The following LRRC56 variants were observed in gnomAD, a reference collection of about 807,000 sequenced individuals.
LRRC56 encodes leucine-rich repeat-containing protein 56.
LRRC56 carries 41 observed loss-of-function variants against 47.8 expected under a neutral mutation model. The ratio of observed to expected loss-of-function variants is 0.86; its 90% CI spans 0.67 to 1.11. The LOEUF (loss-of-function observed/expected upper bound fraction) is 1.11, where lower values mean the gene tolerates loss of function less well. Among genes scored for constraint, LRRC56 ranks in the 50% most tolerant of loss-of-function variants. The pLI is 0.00. For missense variants in LRRC56, 759 were observed against 704.2 expected, an observed-to-expected ratio of 1.08 and a Z score of -0.88; for synonymous variants, 387 against 311.2, an observed-to-expected ratio of 1.24 and a Z score of -2.56.
chr11:531,886 G>A, the LRRC56 span, among the ~76,000 whole-genome samples: 1 of 152,208 alleles, frequency 6.6e-6, no homozygotes, highest in Non-Finnish European at 1.5e-5. Flanking sequence ...GTCAGGAAAG[G>A]TGATGCCTCT....
In LRRC56 at chr11:554,362, T is replaced by G; in HGVS notation, c.*86T>G. 1 of 1,236,014 alleles carries G rather than the reference T, an allele frequency of 8.1e-7. No individual in the cohort carries two copies. Among genetic ancestry groups the G allele is most frequent in the Non-Finnish European group, 1.1e-6 (1 of 944,150 alleles). 76.6% of individuals were successfully genotyped at this position (1,236,014 alleles called of 1,614,324 possible). A position where few individuals can be genotyped will look rare whatever the true frequency, so the allele number is the denominator to read the frequency against. ...ACAGAGCACAGAATACCTGGGCGGGTGTGTTGGGGGGTGGAAGGAGTGCCT... is the reference window on the plus strand; with the variant it reads ...ACAGAGCACAGAATACCTGGGCGGGGGTGTTGGGGGGTGGAAGGAGTGCCT... On this transcript the variant is annotated 3_prime_UTR_variant, in exon 14 of 14. Coordinates refer to ENST00000270115, the MANE Select transcript of LRRC56 (RefSeq NM_198075.4).
chr11:544,870 A>C, intron 6 of LRRC56, 90 bp downstream of exon 6: 23 of 679,888 alleles, frequency 3.4e-5, no homozygotes, highest in Admixed American at 6.3e-5. Flanking sequence ...ACTTGGTGGG[A>C]GTGGGGGGAC....
At chr11:534,067 G>A (rs989286439), upstream of LRRC56, 8 of 1,226,190 alleles carry the variant, frequency 6.5e-6, no homozygotes, top group African/African-American at 1.5e-5. Flanking sequence ...GTGCTGAGAC[G>A]AGGGACTCCC....
chr11:552,571 C>T lies in LRRC56; in HGVS notation c.1184C>T (p.Pro395Leu). The T allele has an allele frequency of 1.2e-6, 2 of 1,601,242 alleles. No homozygotes were observed. The highest frequency in any genetic ancestry group is 1.7e-6 in the Non-Finnish European group (2 of 1,174,318). The change falls in exon 13 of 14, where the codon CCC becomes CTC. Residue 395 changes from proline to leucine, a missense_variant and splice_region_variant. Coordinates refer to ENST00000270115, the MANE Select transcript of LRRC56 (RefSeq NM_198075.4). ...TTCTCCTCCTCTCCCCACCCTAGCC[C>T]CCTCCCCTATAGGCACCCGGAGTCC... ...LRAWREHGVRPLPYRHPESQQ... is the reference protein window; with the variant it reads ...LRAWREHGVRLLPYRHPESQQ...
chr11:510,177 C>T, the LRRC56 span, among the ~76,000 whole-genome samples: 1 of 152,192 alleles, frequency 6.6e-6, no homozygotes, highest in Non-Finnish European at 1.5e-5. Flanking sequence ...CAGGCTGAGG[C>T]AAGAGACCCC....
the LRRC56 span, among the ~76,000 whole-genome samples, chr11:517,110 G>A: frequency 5.3e-5 from 8 of 152,326 alleles, no homozygotes; most frequent in South Asian, 1.2e-3. Flanking sequence ...TCGGCCTCCC[G>A]GGGTGCTGGG....
At chr11:544,574 A>T (rs1415214512) in intron 5 of LRRC56, 146 bp from the exon 6 acceptor site, 1 of 799,766 alleles carries the variant, frequency 1.3e-6, no homozygotes, top group African/African-American at 1.7e-5. Flanking sequence ...GTGCCACGTA[A>T]CCCCTCCTGT....
intron 3 of LRRC56, 131 bp from the exon 4 acceptor site, chr11:540,543 C>CGGGGTG (rs1851738639): frequency 3.5e-6 from 2 of 569,366 alleles, no homozygotes; most frequent in Non-Finnish European, 5.3e-6. Context: ...TCTCTAGGCT[C>CGGGGTG]GGGGTGGGGG....
upstream of LRRC56, chr11:535,403 T>G (rs1851429455): frequency 6.9e-6 from 1 of 145,968 alleles, no homozygotes; most frequent in Admixed American, 6.8e-5. Context: ...GGCCGATCCC[T>G]GCCCGCACTC....
chr11:551,299 C>T lies in LRRC56; in HGVS notation c.793C>T (p.Leu265=). The change falls in exon 9 of 14, where the codon CTG becomes TTG. Residue 265 remains leucine, a synonymous_variant. Transcript: ENST00000270115. ...CAAGAAGGGCAACGGCCTTCCCCCG[C>T]TGGGTACGGCAGCTGCGCCCGGAGG... ...AIKKGNGLPP[L]DCPRGAPIRR... is the part of the protein sequence containing the mutation. 6.6e-7 allele frequency: 1 copy of T among 1,515,768 alleles called. No individual in the cohort carries two copies. Among genetic ancestry groups the T allele is most frequent in the Non-Finnish European group, 8.9e-7 (1 of 1,122,128 alleles). 93.9% of individuals were successfully genotyped at this position (1,515,768 alleles called of 1,614,324 possible).
upstream of LRRC56, among the ~76,000 whole-genome samples, chr11:536,243 G>A (rs1033267861): frequency 1.3e-5 from 2 of 152,196 alleles, no homozygotes; most frequent in Non-Finnish European, 2.9e-5. Context: ...CCTCTTTCTC[G>A]GGCCTGCGTG....
At chr11:536,299 C>T (rs1851491511), upstream of LRRC56, among the ~76,000 whole-genome samples, 1 of 152,228 alleles carries the variant, frequency 6.6e-6, no homozygotes, top group Non-Finnish European at 1.5e-5. Context: ...GAGGTTCCAA[C>T]GCTGCAGAAG....
At chr11:526,121 C>T in the LRRC56 span, among the ~76,000 whole-genome samples, 4 of 151,684 alleles carry the variant, frequency 2.6e-5, no homozygotes, top group South Asian at 2.1e-4. Flanking sequence ...GCAGGAGAAT[C>T]GCTTGAAACT....
the LRRC56 span, among the ~76,000 whole-genome samples, chr11:518,564 C>A: frequency 6.6e-6 from 1 of 152,094 alleles, no homozygotes; most frequent in East Asian, 1.9e-4. Context: ...ACTTCGTGAT[C>A]CGGCCGCCTC....
chr11:534,622 G>A (rs1851342210), upstream of LRRC56: 3 of 513,870 alleles, frequency 5.8e-6, no homozygotes, highest in Non-Finnish European at 1.1e-5. Context: ...AGGCAGGGCT[G>A]ACAGCTGAGC....
At chr11:524,638 AT>A in the LRRC56 span, among the ~76,000 whole-genome samples, 1 of 152,228 alleles carries the variant, frequency 6.6e-6, no homozygotes, top group Admixed American at 6.5e-5. Flanking sequence ...TCTCAAAAAA[AT>A]AAATTAATTA....
At chr11:509,018 C>T in the LRRC56 span, among the ~76,000 whole-genome samples, 1 of 152,136 alleles carries the variant, frequency 6.6e-6, no homozygotes, top group Admixed American at 6.6e-5. Flanking sequence ...GTACTCCAGC[C>T]TGGGCAACAA....
chr11:534,620 C>T (rs902572031), upstream of LRRC56: 46 of 515,912 alleles, frequency 8.9e-5, no homozygotes, highest in African/African-American at 8.2e-4. Context: ...AAAGGCAGGG[C>T]TGACAGCTGA....
At chr11:511,271 A>T in the LRRC56 span, among the ~76,000 whole-genome samples, 1 of 151,604 alleles carries the variant, frequency 6.6e-6, no homozygotes, top group Admixed American at 6.6e-5. Context: ...CAGTGAGCCA[A>T]GATCGCGCCA....
Sources: allele counts gnomAD v4.1 joint callset (sites outside exome capture counted in the v4.1 genomes callset), GRCh38; gene constraint gnomAD v4.1.1; transcripts MANE v1.5; gene names NCBI Gene and HGNC (gene_info 2026-07-23, HGNC 2026-07-21).